Variants in DIS3L2 observed in about 807,000 individuals in gnomAD.
DIS3L2 encodes DIS3-like exonuclease 2.
Under a neutral mutation model 97.5 loss-of-function variants are expected in DIS3L2, and 34 were observed. The observed-to-expected ratio is 0.35, with a 90% confidence interval of 0.27 to 0.46. The LOEUF is 0.46. Ranked by LOEUF, DIS3L2 falls within the 20% of genes least tolerant of loss-of-function variation. DIS3L2 has a pLI of 1.00. For missense variants in DIS3L2, 1,038 were observed against 1,146.0 expected (o/e 0.91, Z 1.36); for synonymous variants, 435 against 445.2 (o/e 0.98, Z 0.29).
chr2:232,053,626 C>T (rs1371024556), intron 5 of DIS3L2, among the ~76,000 whole-genome samples: 1 of 152,136 alleles, frequency 6.6e-6, no homozygotes, highest in Non-Finnish European at 1.5e-5. Context: ...CAGTAATTTG[C>T]TATAATGGTT....
chr2:232,188,891 G>A lies in DIS3L2; in HGVS notation c.1125-21435G>A, dbSNP rs531368666. On this transcript the variant is annotated intron_variant, in intron 9 of 20. Coordinates refer to ENST00000325385, the MANE Select transcript of DIS3L2 (RefSeq NM_152383.5). ...TACGTAAAGAACCTTTAAAACCAAA[G>A]CAATCCAATTAGAAAATGGACAGAA... Among the ~76,000 whole-genome samples the A allele has an allele frequency of 4.6e-5, 7 of 152,234 alleles. No homozygotes were observed. The South Asian group carries it at 1.0e-3, about 22-fold the overall frequency.
At position 232,342,993 on chromosome 2, in the gene DIS3L2, G is replaced by A. The variant is rs188357307; in HGVS notation, c.1582-352G>A. On this transcript the variant is annotated intron_variant, in intron 13 of 13. Coordinates refer to the DIS3L2 transcript ENST00000273009. ...TTCAAGGGCTGATAGGAGTCAGAGTGGGGGGGCTGGGAGGGCTGAGGCAGG... is the reference window on the plus strand; with the variant it reads ...TTCAAGGGCTGATAGGAGTCAGAGTAGGGGGGCTGGGAGGGCTGAGGCAGG... 34 of 191,348 alleles carry A rather than the reference G, an allele frequency of 1.8e-4. No homozygotes were observed. The South Asian group carries it at 4.3e-3, about 24-fold the overall frequency. The allele number at this position is 191,348 out of a possible 1,614,324, so 11.9% of individuals were successfully genotyped here. A position where few individuals can be genotyped will look rare whatever the true frequency, so the allele number is the denominator to read the frequency against.
At chr2:231,982,478 G>T (rs1473221346) in intron 1 of DIS3L2, among the ~76,000 whole-genome samples, 2 of 151,994 alleles carry the variant, frequency 1.3e-5, no homozygotes, top group East Asian at 3.8e-4. Flanking sequence ...ATCTTTTTAT[G>T]GTTTTGTGTT....
rs1450217042 is a variant in DIS3L2 at position 232,335,901 on chromosome 2, C to T, written c.2496+27C>T. ...TCAGAACCCCTCTGTGTCCCAGCCC[C>T]CTAAGTCCTGATGACCCCTCTCCTG... is the stretch of plus-strand genomic sequence containing the variant. On this transcript the variant is annotated intron_variant, in intron 20 of 20. Coordinates refer to ENST00000325385, the MANE Select transcript of DIS3L2 (RefSeq NM_152383.5). 5 of 1,549,852 alleles carry T rather than the reference C, an allele frequency of 3.2e-6. No individual in the cohort carries two copies. The East Asian group carries it at 1.2e-4, about 38-fold the overall frequency.
intron 6 of DIS3L2, among the ~76,000 whole-genome samples, chr2:232,090,052 C>T (rs1056730660): frequency 6.6e-6 from 1 of 152,108 alleles, no homozygotes; most frequent in Non-Finnish European, 1.5e-5. Flanking sequence ...GCCTCAGCCT[C>T]CTGAGTAGCT....
intron 1 of DIS3L2, among the ~76,000 whole-genome samples, chr2:231,973,866 A>G (rs974997253): frequency 5.3e-5 from 8 of 152,146 alleles, no homozygotes; most frequent in Admixed American, 2.0e-4. Context: ...ACCCCAACTA[A>G]TAATTACAAC....
In DIS3L2 at chr2:232,336,743, T is replaced by G. The variant is rs116379923; in HGVS notation, c.*113T>G. On this transcript the variant is annotated 3_prime_UTR_variant, in exon 21 of 21. Coordinates refer to ENST00000325385, the MANE Select transcript of DIS3L2 (RefSeq NM_152383.5). The stretch of plus-strand genomic sequence containing the variant: ...ATTTGGTTTTTAACAACTCAGGGGT[T>G]TGTTTTTATTTTTATTTAATTTTTG... The G allele has an allele frequency of 1.9e-3, 2,896 of 1,488,052 alleles. 41 individuals carry two copies. In the African/African-American group the frequency reaches 0.033, roughly 17 times the overall value. The allele number at this position is 1,488,052 out of a possible 1,614,324, so 92.2% of individuals were successfully genotyped here.
At chr2:232,275,171 A>G (rs928668829) in intron 13 of DIS3L2, among the ~76,000 whole-genome samples, 7 of 152,090 alleles carry the variant, frequency 4.6e-5, no homozygotes, top group Middle Eastern at 3.4e-3. Flanking sequence ...TCTTCCTCCA[A>G]TATCTCTGGC....
rs116863806 is a variant in DIS3L2, at chr2:231,988,834, T to C, written c.-93-26001T>C. On this transcript the variant is annotated intron_variant, in intron 1 of 20. Transcript: ENST00000325385. The stretch of plus-strand genomic sequence containing the variant: ...ATAAATAACTAACACAGAAGCTAGA[T>C]TGATGTTAATCTCTTGTGTAAAATA... Among the ~76,000 whole-genome samples the C allele has an allele frequency of 1.4e-4, 22 of 152,342 alleles. 1 individual carries two copies. In the East Asian group the frequency reaches 4.0e-3, roughly 28 times the overall value.
intron 19 of DIS3L2, 102 bp from the exon 20 acceptor site, chr2:232,335,671 C>T (rs1326504525): frequency 4.5e-6 from 6 of 1,341,024 alleles, no homozygotes; most frequent in Non-Finnish European, 6.2e-6. Context: ...TGGGCCAGGG[C>T]CGAGGGCTGA....
At chr2:232,278,264 A>C (rs1198913011) in intron 13 of DIS3L2, among the ~76,000 whole-genome samples, 3 of 152,078 alleles carry the variant, frequency 2.0e-5, no homozygotes, top group African/African-American at 7.2e-5. Context: ...GAATCTTATA[A>C]TACCTTAAGC....
chr2:232,040,424 G>A (rs754062965), intron 5 of DIS3L2, among the ~76,000 whole-genome samples: 5 of 152,210 alleles, frequency 3.3e-5, no homozygotes, highest in South Asian at 2.1e-4. Flanking sequence ...GAGACTCTTC[G>A]AACATTGCTG....
At chr2:232,248,030 A>G (rs1693312566) in intron 11 of DIS3L2, among the ~76,000 whole-genome samples, 2 of 152,214 alleles carry the variant, frequency 1.3e-5, no homozygotes, top group Non-Finnish European at 2.9e-5. Context: ...ATTCTTTAGA[A>G]ATACCAAACA....
At position 231,987,771 on chromosome 2, in the gene DIS3L2, A is replaced by T. The variant is rs1250268886; in HGVS notation, c.-94+26006A>T. ...CTTTTTTTGAAGTGGTAGGGAGAAG[A>T]AGTACACCAGGTCTGTCATAGTTGT... is the stretch of plus-strand genomic sequence containing the variant. On this transcript the variant is annotated intron_variant, in intron 1 of 20. Coordinates refer to ENST00000325385, the MANE Select transcript of DIS3L2 (RefSeq NM_152383.5). 2.0e-5 allele frequency among the ~76,000 whole-genome samples: 3 copies of T among 152,120 alleles called. No homozygotes were observed. The East Asian group carries it at 5.8e-4, about 29-fold the overall frequency.
intron 5 of DIS3L2, among the ~76,000 whole-genome samples, chr2:232,031,981 T>G (rs1203238140): frequency 4.7e-5 from 7 of 147,754 alleles, no homozygotes; most frequent in Non-Finnish European, 9.2e-5. Context: ...TGTGTGCATA[T>G]GTCTTTACAG....
intron 14 of DIS3L2, among the ~76,000 whole-genome samples, chr2:232,319,772 G>C (rs542430476): frequency 4.3e-4 from 66 of 152,322 alleles, no homozygotes; most frequent in African/African-American, 1.3e-3. Flanking sequence ...AACCCAGGCT[G>C]CCCTACAAGA....
intron 6 of DIS3L2, among the ~76,000 whole-genome samples, chr2:232,112,418 T>C (rs765962386): frequency 4.6e-5 from 7 of 152,142 alleles, no homozygotes; most frequent in Non-Finnish European, 8.8e-5. Flanking sequence ...CAAAGTAAAA[T>C]CTGGATACTA....
At chr2:232,183,790 A>G (rs1256841237) in intron 9 of DIS3L2, among the ~76,000 whole-genome samples, 1 of 152,204 alleles carries the variant, frequency 6.6e-6, no homozygotes, top group Non-Finnish European at 1.5e-5. Context: ...GCAGTGAACA[A>G]GGTTTGATGA....
At chr2:232,274,292 C>T (rs889740693) in intron 13 of DIS3L2, among the ~76,000 whole-genome samples, 16 of 152,144 alleles carry the variant, frequency 1.1e-4, no homozygotes, top group Admixed American at 8.5e-4. Flanking sequence ...TAATTATACT[C>T]ATAATTAGGC....
Sources: gnomAD v4.1 joint callset for allele counts (sites outside exome capture counted in the v4.1 genomes callset) on GRCh38, gnomAD v4.1.1 for gene constraint, MANE v1.5 for transcripts, NCBI Gene and HGNC (gene_info 2026-07-23, HGNC 2026-07-21) for gene names.